The following MTSS1 variants were observed in gnomAD, a reference collection of about 807,000 sequenced individuals.
The protein encoded by MTSS1 is MTSS I-BAR domain containing 1.
In MTSS1, 18 loss-of-function variants were observed where a neutral mutation model predicts 79.0. The ratio of observed to expected loss-of-function variants is 0.23; its 90% CI spans 0.16 to 0.34. MTSS1 has a LOEUF of 0.34. Ranked by LOEUF, MTSS1 falls within the 10% of genes least tolerant of loss-of-function variation. The pLI, the probability that MTSS1 is intolerant of heterozygous loss-of-function variation, is 1.00. For missense variants in MTSS1, 815 were observed against 986.2 expected, an observed-to-expected ratio of 0.83 and a Z score of 2.33; for synonymous variants, 341 against 368.6, an observed-to-expected ratio of 0.93 and a Z score of 0.86.
At chr8:124,716,979 G>C (rs1185298062) in intron 1 of MTSS1, among the ~76,000 whole-genome samples, 1 of 148,660 alleles carries the variant, frequency 6.7e-6, no homozygotes, top group East Asian at 2.0e-4. Context: ...GGATGTACTT[G>C]TTGTAGGGTT....
At chr8:124,635,879 C>A (rs1322428021) in intron 3 of MTSS1, among the ~76,000 whole-genome samples, 4 of 152,060 alleles carry the variant, frequency 2.6e-5, no homozygotes, top group African/African-American at 9.7e-5. Flanking sequence ...GAAAGCCTAC[C>A]TGCCTCAATA....
At chr8:124,638,298 T>C (rs1817398091) in intron 3 of MTSS1, among the ~76,000 whole-genome samples, 1 of 152,246 alleles carries the variant, frequency 6.6e-6, no homozygotes, top group African/African-American at 2.4e-5. Flanking sequence ...AGTTCAATTG[T>C]TAAGCGTCTC....
At chr8:124,665,105 T>C (rs562042537) in intron 3 of MTSS1, among the ~76,000 whole-genome samples, 2 of 152,286 alleles carry the variant, frequency 1.3e-5, no homozygotes, top group African/African-American at 4.8e-5. Context: ...GTAAGTAACT[T>C]GCTGTAATAT....
At chr8:124,691,319 A>T (rs7014786) in intron 3 of MTSS1, among the ~76,000 whole-genome samples, 26,418 of 152,088 alleles carry the variant, frequency 0.17, 2,393 homozygotes, top group South Asian at 0.23. Context: ...TATCTTGAAG[A>T]TATGCTTACA....
chr8:124,710,964 C>T (rs534271037), intron 1 of MTSS1, among the ~76,000 whole-genome samples: 6 of 152,276 alleles, frequency 3.9e-5, no homozygotes, highest in South Asian at 2.1e-4. Flanking sequence ...GCTCAAAGGC[C>T]TTTGTTCTGC....
In MTSS1 at chr8:124,704,179, C is replaced by A; in HGVS notation, c.85G>T (p.Val29Phe). ...GCTTTGTTTATGAAATCTTCCCAAA[C>A]TGGATAGCTCCCCTGCAACACATCA... ...IISDMKGSYP[V>F]WEDFINKAGK... is the part of the protein sequence containing the mutation. The change falls in exon 2 of 14, where the codon GTT (valine) becomes TTT (phenylalanine). Residue 29 changes from valine (V) to phenylalanine (F), a missense_variant. Val to Phe is a conservative substitution (Grantham distance 50). This residue lies in a region of MTSS1 where 225 missense variants were observed against 365.4 expected (regional missense o/e 0.62). Coordinates refer to ENST00000518547, the MANE Select transcript of MTSS1 (RefSeq NM_014751.6). The A allele has an allele frequency of 6.2e-7, 1 of 1,613,982 alleles. No individual in the cohort carries two copies. Among genetic ancestry groups the A allele is most frequent in the Middle Eastern group, 1.7e-4 (1 of 6,060 alleles).
rs755847601 is a variant in MTSS1 at position 124,625,100 on chromosome 8, G to A, written c.209-33865C>T. ...TTTCTGGGCAGGATTCTGGGCTCGG[G>A]AGCCAGAAAGGAGACTGAATGAGAA... On this transcript the variant is annotated intron_variant, in intron 3 of 13. Transcript: ENST00000518547. 4.6e-4 allele frequency among the ~76,000 whole-genome samples: 70 copies of A among 152,268 alleles called. 1 individual carries two copies. The highest frequency in any genetic ancestry group is 8.8e-5 in the Non-Finnish European group (6 of 68,018).
chr8:124,721,098 C>T (rs903571161), intron 1 of MTSS1, among the ~76,000 whole-genome samples: 2 of 152,154 alleles, frequency 1.3e-5, no homozygotes, highest in Admixed American at 1.3e-4. Context: ...AACGCAGGCA[C>T]ACTCTAATTC....
chr8:124,615,617 A>G (rs577222509), intron 3 of MTSS1, among the ~76,000 whole-genome samples: 1 of 152,226 alleles, frequency 6.6e-6, no homozygotes, highest in Non-Finnish European at 1.5e-5. Flanking sequence ...CAGTTTTGCA[A>G]GAGGAAAAAG....
chr8:124,720,778 A>T (rs729513), intron 1 of MTSS1, among the ~76,000 whole-genome samples: 105,270 of 152,130 alleles, frequency 0.69, 36,802 homozygotes, highest in Admixed American at 0.78. Context: ...ACTTCAAAAT[A>T]CCTCATTCCC....
chr8:124,574,609 G>A (rs1022743343), intron 6 of MTSS1, among the ~76,000 whole-genome samples: 3 of 152,174 alleles, frequency 2.0e-5, no homozygotes, highest in Admixed American at 1.3e-4. Context: ...AATGTGATTC[G>A]TATTATCTGT....
chr8:124,681,268 C>T (rs1257734764), intron 3 of MTSS1, among the ~76,000 whole-genome samples: 1 of 151,246 alleles, frequency 6.6e-6, no homozygotes, highest in Non-Finnish European at 1.5e-5. Flanking sequence ...AGCATCCCAG[C>T]GGCAGAGAGA....
chr8:124,602,811 G>A (rs1231143579), intron 3 of MTSS1, among the ~76,000 whole-genome samples: 1 of 152,200 alleles, frequency 6.6e-6, no homozygotes, highest in African/African-American at 2.4e-5. Flanking sequence ...CTGGAGTGGA[G>A]AAAGGACAGT....
In MTSS1 at chr8:124,582,349, T is replaced by A. The variant is rs1260268022; in HGVS notation, c.460+2738A>T. Among the ~76,000 whole-genome samples, 1 of 152,130 alleles carries A rather than the reference T, an allele frequency of 6.6e-6. No homozygotes were observed. The highest frequency in any genetic ancestry group is 1.5e-5 in the Non-Finnish European group (1 of 68,018). ...TATAGTAAGAAAGAGTCGAAGAATG[T>A]GATAAAAGGTGGTATCTGCAGAGTA... On this transcript the variant is annotated intron_variant, in intron 6 of 13. Coordinates refer to ENST00000518547, the MANE Select transcript of MTSS1 (RefSeq NM_014751.6). This position sits in a 1 kb window ranked among gnomAD's most constrained non-coding sequence, Gnocchi z 4.8.
At chr8:124,611,390 T>C (rs1835789562) in intron 3 of MTSS1, among the ~76,000 whole-genome samples, 1 of 152,132 alleles carries the variant, frequency 6.6e-6, no homozygotes, top group Admixed American at 6.5e-5. Context: ...AGGAGCGGCG[T>C]GACCTGTGGA....
chr8:124,703,998 G>A (rs950692973), intron 2 of MTSS1, 132 bp downstream of exon 2: 13 of 755,898 alleles, frequency 1.7e-5, no homozygotes, highest in Non-Finnish European at 2.9e-5. Flanking sequence ...GCTCCAATCA[G>A]AACCCAGCAC....
intron 8 of MTSS1, among the ~76,000 whole-genome samples, chr8:124,566,503 AAT>A (rs1309916220): frequency 3.3e-5 from 5 of 152,182 alleles, no homozygotes; most frequent in African/African-American, 1.2e-4. Flanking sequence ...AGTTCCCCCA[AAT>A]ATGTCTCTTC....
intron 3 of MTSS1, among the ~76,000 whole-genome samples, chr8:124,645,729 G>A (rs981234362): frequency 5.8e-4 from 88 of 152,126 alleles, no homozygotes; most frequent in African/African-American, 1.6e-3. Context: ...TTTATCATGC[G>A]TATCCAGAAA....
chr8:124,718,733 G>A lies in MTSS1; in HGVS notation c.72+9151C>T, dbSNP rs115600627. On this transcript the variant is annotated intron_variant, in intron 1 of 13. Coordinates refer to ENST00000518547, the MANE Select transcript of MTSS1 (RefSeq NM_014751.6). ...CTTCCTGCTCTGCACTCAATCACTC[G>A]GGGTGCAGAGTGGTTACTGGAGCGA... is the stretch of plus-strand genomic sequence containing the variant. 5.5e-3 allele frequency among the ~76,000 whole-genome samples: 837 copies of A among 152,198 alleles called. 7 individuals carry two copies. The highest frequency in any genetic ancestry group is 0.016 in the African/African-American group (647 of 41,518).
Sources: gnomAD v4.1 joint callset for allele counts (sites outside exome capture counted in the v4.1 genomes callset) on GRCh38, gnomAD v4.1.1 for gene constraint, gnomAD v4.1.1 regional missense constraint, Gnocchi (gnomAD v3.1) non-coding constraint, MANE v1.5 for transcripts, NCBI Gene and HGNC (gene_info 2026-07-23, HGNC 2026-07-21) for gene names.